The following ACOT13 variants were observed in gnomAD, a reference collection of about 807,000 sequenced individuals.
The protein encoded by ACOT13 is acyl-coenzyme A thioesterase 13.
ACOT13 carries 10 observed loss-of-function variants against 11.8 expected under a neutral mutation model. The ratio of observed to expected loss-of-function variants is 0.85; its 90% CI spans 0.53 to 1.44. The LOEUF is 1.44. ACOT13 is among the 40% of genes most tolerant of loss of function. ACOT13 has a pLI of 0.00. For missense variants in ACOT13, 172 were observed against 174.1 expected (o/e 0.99, Z 0.07); for synonymous variants, 53 against 61.0 (o/e 0.87, Z 0.61).
Position 24,704,244 on chromosome 6 carries a change from A to T in ACOT13, c.*2629A>T, listed in dbSNP as rs1369433589. ...CAGGTATAAGTGTACAGAGAAAATGAAAAAAATGTGGCAAAATAATAAAAA... is the reference window on the plus strand; with the variant it reads ...CAGGTATAAGTGTACAGAGAAAATGTAAAAAATGTGGCAAAATAATAAAAA... On this transcript the variant is annotated 3_prime_UTR_variant, in exon 3 of 3. Coordinates refer to ENST00000230048, the MANE Select transcript of ACOT13 (RefSeq NM_018473.4). 1 of 133,430 alleles carries T rather than the reference A, an allele frequency of 7.5e-6. No homozygotes were observed. Among genetic ancestry groups the T allele is most frequent in the East Asian group, 6.6e-4 (1 of 1,506 alleles). 8.3% of individuals were successfully genotyped at this position (133,430 alleles called of 1,614,324 possible).
At position 24,702,097 on chromosome 6, in the gene ACOT13, G is replaced by A. The variant is rs76663294; in HGVS notation, c.*482G>A. 0.015 allele frequency: 2,230 copies of A among 152,758 alleles called. 66 individuals carry two copies. Among genetic ancestry groups the A allele is most frequent in the African/African-American group, 0.05 (2,080 of 41,552 alleles). The allele number at this position is 152,758 out of a possible 1,614,324, so 9.5% of individuals were successfully genotyped here. ...GGTGCCTTCTCACTGTGTGGTGGAA[G>A]GGGCAAGTGAGCCCTCTGGGTTCTC... On this transcript the variant is annotated 3_prime_UTR_variant, in exon 3 of 3. Coordinates refer to ENST00000230048, the MANE Select transcript of ACOT13 (RefSeq NM_018473.4).
Position 24,704,603 on chromosome 6 carries a change from TA to T in ACOT13, c.*2990del, listed in dbSNP as rs1215384126. On this transcript the variant is annotated 3_prime_UTR_variant, in exon 3 of 3. Transcript: ENST00000230048. ...TCAAAATGTTATTTCAAATAGATTC[TA>T]ATTTTTAAATAAGAGGACACATGAA... The T allele has an allele frequency of 6.6e-6, 1 of 152,248 alleles. No individual in the cohort carries two copies. The highest frequency in any genetic ancestry group is 1.5e-5 in the Non-Finnish European group (1 of 68,044). 9.4% of individuals were successfully genotyped at this position (152,248 alleles called of 1,614,324 possible).
chr6:24,700,263 TTTAAG>T (rs1188746395), intron 2 of ACOT13, among the ~76,000 whole-genome samples: 1 of 152,204 alleles, frequency 6.6e-6, no homozygotes, highest in Non-Finnish European at 1.5e-5. Flanking sequence ...CTTCCCTCAG[TTTAAG>T]TTAATGGCTG....
At chr6:24,678,365 A>G (rs924495752) in intron 1 of ACOT13, among the ~76,000 whole-genome samples, 4 of 152,180 alleles carry the variant, frequency 2.6e-5, no homozygotes, top group Non-Finnish European at 5.9e-5. Flanking sequence ...GAGATCTTGC[A>G]CTAACCTCCA....
At chr6:24,696,004 G>C (rs1436528568) in intron 1 of ACOT13, among the ~76,000 whole-genome samples, 6 of 152,140 alleles carry the variant, frequency 3.9e-5, no homozygotes, top group African/African-American at 1.4e-4. Flanking sequence ...GTTGCAGTGA[G>C]CCGAGATCAA....
intron 1 of ACOT13, 101 bp downstream of exon 1, chr6:24,667,445 T>G: frequency 9.2e-7 from 1 of 1,087,110 alleles, no homozygotes; most frequent in Admixed American, 2.0e-5. Context: ...TCTTGTTAGG[T>G]TGTGTTCTAG....
intron 2 of ACOT13, 61 bp downstream of exon 2, chr6:24,698,128 C>A: frequency 7.2e-7 from 1 of 1,380,690 alleles, no homozygotes; most frequent in Non-Finnish European, 9.7e-7. Flanking sequence ...ACAACTGAGA[C>A]TAAACACATT....
chr6:24,685,605 C>CAA (rs1194600863), intron 1 of ACOT13, among the ~76,000 whole-genome samples: 4 of 152,164 alleles, frequency 2.6e-5, no homozygotes, highest in Non-Finnish European at 5.9e-5. Context: ...CTCAGCCTCC[C>CAA]AAAGTGCTGG....
chr6:24,682,324 C>T (rs1778564773), intron 1 of ACOT13, among the ~76,000 whole-genome samples: 2 of 152,186 alleles, frequency 1.3e-5, no homozygotes, highest in African/African-American at 4.8e-5. Flanking sequence ...CCAGAGCTCC[C>T]AAGATGGTTG....
intron 1 of ACOT13, chr6:24,687,353 G>A (rs920983530): frequency 8.3e-5 from 78 of 942,510 alleles, no homozygotes; most frequent in Middle Eastern, 4.4e-4. Context: ...AAATAAATAT[G>A]CTTAACATTA....
rs1458463002 is a variant in ACOT13, at chr6:24,703,952, A to G, written c.*2337A>G. On this transcript the variant is annotated 3_prime_UTR_variant, in exon 3 of 3. Coordinates refer to ENST00000230048, the MANE Select transcript of ACOT13 (RefSeq NM_018473.4). ...CCAAAAAACATAGAGGTCATGGAAC[A>G]CATAAAGGCTAAGGAACTGTTCCAC... 1 of 152,236 alleles carries G rather than the reference A, an allele frequency of 6.6e-6. No homozygotes were observed. Among genetic ancestry groups the G allele is most frequent in the African/African-American group, 2.4e-5 (1 of 41,456 alleles). 9.4% of individuals were successfully genotyped at this position (152,236 alleles called of 1,614,324 possible). A position where few individuals can be genotyped will look rare whatever the true frequency, so the allele number is the denominator to read the frequency against.
intron 1 of ACOT13, among the ~76,000 whole-genome samples, chr6:24,688,156 G>A (rs559404324): frequency 8.5e-5 from 13 of 152,102 alleles, no homozygotes; most frequent in African/African-American, 2.7e-4. Context: ...ACTGTCTTAT[G>A]TATAAGCAAT....
At chr6:24,668,447 C>T (rs998373461) in intron 1 of ACOT13, among the ~76,000 whole-genome samples, 1 of 152,092 alleles carries the variant, frequency 6.6e-6, no homozygotes, top group Non-Finnish European at 1.5e-5. Flanking sequence ...TCTCAAACTG[C>T]TGACCTCAGG....
At chr6:24,692,007 T>A (rs1462174905) in intron 1 of ACOT13, among the ~76,000 whole-genome samples, 4 of 152,212 alleles carry the variant, frequency 2.6e-5, no homozygotes, top group Non-Finnish European at 4.4e-5. Context: ...ATGGGGATGG[T>A]GGCAAGGGCA....
intron 1 of ACOT13, among the ~76,000 whole-genome samples, chr6:24,692,751 C>T (rs1778736967): frequency 6.6e-6 from 1 of 152,132 alleles, no homozygotes; most frequent in Non-Finnish European, 1.5e-5. Flanking sequence ...TTAATTTTTA[C>T]AAAACCCTAT....
intron 2 of ACOT13, among the ~76,000 whole-genome samples, chr6:24,699,207 G>GAT (rs1778850506): frequency 6.8e-6 from 1 of 146,062 alleles, no homozygotes; most frequent in African/African-American, 2.6e-5. Context: ...AATAATGTAG[G>GAT]CTTTTTTTTT....
intron 1 of ACOT13, among the ~76,000 whole-genome samples, chr6:24,673,023 G>T (rs1399794023): frequency 3.9e-5 from 6 of 152,090 alleles, no homozygotes; most frequent in Non-Finnish European, 2.9e-5. Context: ...GTCCTTTTTA[G>T]ACCCAGGAGT....
intron 2 of ACOT13, chr6:24,701,100 A>G (rs1223686696): frequency 6.1e-6 from 1 of 164,158 alleles, no homozygotes; most frequent in African/African-American, 2.4e-5. Context: ...GGATAGGACA[A>G]TATACAGACA....
At chr6:24,700,640 T>C (rs1778877266) in intron 2 of ACOT13, among the ~76,000 whole-genome samples, 1 of 151,990 alleles carries the variant, frequency 6.6e-6, no homozygotes, top group African/African-American at 2.4e-5. Context: ...TTCACCACGT[T>C]GGCCGGGCTG....
Sources: allele counts gnomAD v4.1 joint callset (sites outside exome capture counted in the v4.1 genomes callset), GRCh38; gene constraint gnomAD v4.1.1; transcripts MANE v1.5; gene names NCBI Gene and HGNC (gene_info 2026-07-23, HGNC 2026-07-21).